Variants in ZNF671 observed in about 807,000 individuals in gnomAD.
The protein encoded by ZNF671 is zinc finger protein 671.
Under a neutral mutation model 16.6 loss-of-function variants are expected in ZNF671, and 19 were observed. That is an observed-to-expected ratio of 1.14 (90% CI 0.80 to 1.68). The LOEUF (loss-of-function observed/expected upper bound fraction) is 1.68. Among genes scored for constraint, ZNF671 ranks in the 40% most tolerant of loss-of-function variants. The pLI, the probability that ZNF671 is intolerant of heterozygous loss-of-function variation, is 0.00. For synonymous variants in ZNF671, 238 were observed against 236.3 expected (o/e 1.01, Z -0.06); for missense variants, 637 against 659.8 (o/e 0.97, Z 0.38).
At chr19:57,725,405 G>A (rs1042593409) in intron 1 of ZNF671, among the ~76,000 whole-genome samples, 9 of 151,890 alleles carry the variant, frequency 5.9e-5, no homozygotes, top group African/African-American at 1.7e-4. Flanking sequence ...CAGAGGTTGC[G>A]GTGAGCCGAG....
chr19:57,725,517 C>T (rs937513930), intron 1 of ZNF671, among the ~76,000 whole-genome samples: 3 of 152,028 alleles, frequency 2.0e-5, no homozygotes, highest in African/African-American at 7.3e-5. Context: ...GTAATCCCAG[C>T]TACTCGGGAG....
chr19:57,721,029 T>C lies in ZNF671; in HGVS notation c.1057A>G (p.Ile353Val), dbSNP rs776478624. 3.1e-6 allele frequency: 5 copies of C among 1,614,112 alleles called. No individual in the cohort carries two copies. Among genetic ancestry groups the C allele is most frequent in the East Asian group, 2.2e-5 (1 of 44,868 alleles). ...CGCCTGTGCTCAATCAGGCCGGAGA[T>C]TTGTCTAAAGAATTTCCCACATTCG... is the stretch of plus-strand genomic sequence containing the variant. ...CSECGKFFRQ[I>V]SGLIEHRRVH... is the part of the protein sequence containing the mutation. The change falls in exon 4 of 4, where the codon ATC becomes GTC. Residue 353 changes from isoleucine (I) to valine (V), a missense_variant. Coordinates refer to ENST00000317398, the MANE Select transcript of ZNF671 (RefSeq NM_024833.3).
In ZNF671 at chr19:57,719,763, G is replaced by A. The variant is rs1245762085; in HGVS notation, c.*718C>T. The A allele has an allele frequency of 6.6e-6, 1 of 152,300 alleles. No individual in the cohort carries two copies. Among genetic ancestry groups the A allele is most frequent in the Non-Finnish European group, 1.5e-5 (1 of 68,132 alleles). The allele number at this position is 152,300 out of a possible 1,614,324, so 9.4% of individuals were successfully genotyped here. On this transcript the variant is annotated 3_prime_UTR_variant, in exon 4 of 4. Transcript: ENST00000317398. ...CCCACAACATTAATGGTGGCTTAAAGAACAGGCCTTTATTATCATGAGCAA... is the reference window on the plus strand; with the variant it reads ...CCCACAACATTAATGGTGGCTTAAAAAACAGGCCTTTATTATCATGAGCAA...
intron 1 of ZNF671, among the ~76,000 whole-genome samples, chr19:57,724,945 C>T (rs1008180462): frequency 6.6e-6 from 1 of 152,216 alleles, no homozygotes; most frequent in African/African-American, 2.4e-5. Flanking sequence ...ACCCTCAACA[C>T]ATTCCAGCTA....
chr19:57,721,009 G>A lies in ZNF671; in HGVS notation c.1077C>T (p.His359=), dbSNP rs779240653. ...FFRQISGLIE[H]RRVHTGERLY... The stretch of plus-strand genomic sequence containing the variant: ...GTCTTTCACCCGTGTGAACTCGCCT[G>A]TGCTCAATCAGGCCGGAGATTTGTC... Residue 359 remains histidine, a synonymous_variant, in exon 4 of 4, where the codon CAC becomes CAT. Coordinates refer to ENST00000317398, the MANE Select transcript of ZNF671 (RefSeq NM_024833.3). 35 of 1,614,060 alleles carry A rather than the reference G, an allele frequency of 2.2e-5. No homozygotes were observed. The highest frequency in any genetic ancestry group is 2.8e-5 in the Non-Finnish European group (33 of 1,180,034).
chr19:57,727,412 C>A lies in ZNF671; in HGVS notation c.117G>T (p.Ala39=). ...CCACCCGCGCGGAGTCCGTTAGCTC[C>A]GCCATAGGACCGTGGGCGCGGACAG... ...PAAVRAHGPM[A]ELTDSARGCV... is the part of the protein sequence containing the mutation. Residue 39 remains alanine, a synonymous_variant, in exon 1 of 4, where the codon GCG becomes GCT. Coordinates refer to ENST00000317398, the MANE Select transcript of ZNF671 (RefSeq NM_024833.3). 2 of 1,606,540 alleles carry A rather than the reference C, an allele frequency of 1.2e-6. No individual in the cohort carries two copies. Among genetic ancestry groups the A allele is most frequent in the Non-Finnish European group, 1.7e-6 (2 of 1,174,778 alleles).
rs774440424 is a variant in ZNF671 at position 57,721,278 on chromosome 19, T to C, written c.808A>G (p.Lys270Glu). The C allele has an allele frequency of 6.3e-7, 1 of 1,593,086 alleles. No individual in the cohort carries two copies. Among genetic ancestry groups the C allele is most frequent in the Non-Finnish European group, 8.6e-7 (1 of 1,167,830 alleles). ...QASLSSMKPH[K>E]STKLVSGFLM... ...AAGCCACTCACAAGCTTAGTGCTCTTGTGGGGCTTCATGCTGCTGAGAGAG... is the reference window on the plus strand; with the variant it reads ...AAGCCACTCACAAGCTTAGTGCTCTCGTGGGGCTTCATGCTGCTGAGAGAG... The change falls in exon 4 of 4, where the codon AAG becomes GAG. Residue 270 changes from lysine to glutamate, a missense_variant. Transcript: ENST00000317398.
chr19:57,722,457 A>T lies in ZNF671; in HGVS notation c.266-19T>A. On this transcript the variant is annotated intron_variant, in intron 2 of 3. Transcript: ENST00000317398. ...GCAATTCCTAAGGGAAAGTCAGAACAGGTGAGCAGCCAGCACTGGCCCATG... is the reference window on the plus strand; with the variant it reads ...GCAATTCCTAAGGGAAAGTCAGAACTGGTGAGCAGCCAGCACTGGCCCATG... 1 of 1,612,180 alleles carries T rather than the reference A, an allele frequency of 6.2e-7. No individual in the cohort carries two copies. Among genetic ancestry groups the T allele is most frequent in the Non-Finnish European group, 8.5e-7 (1 of 1,179,738 alleles).
At position 57,721,250 on chromosome 19, in the gene ZNF671, A is replaced by G. The variant is rs779941912; in HGVS notation, c.836T>C (p.Leu279Pro). 6 of 1,593,990 alleles carry G rather than the reference A, an allele frequency of 3.8e-6. No individual in the cohort carries two copies. The highest frequency in any genetic ancestry group is 4.3e-6 in the Non-Finnish European group (5 of 1,168,410). Residue 279 changes from leucine (L) to proline (P), a missense_variant, in exon 4 of 4, where the codon CTC becomes CCC. By Grantham distance (98) the Leu-to-Pro change is moderately conservative. Transcript: ENST00000317398. ...HKSTKLVSGF[L>P]MGQRYHRCGE... ...ACACCTGTGATACCTCTGTCCCATG[A>G]GAAAGCCACTCACAAGCTTAGTGCT...
chr19:57,720,679 G>A lies in ZNF671; in HGVS notation c.1407C>T (p.His469=), dbSNP rs573129538. The A allele has an allele frequency of 4.3e-6, 7 of 1,614,198 alleles. No homozygotes were observed. In the South Asian group the frequency reaches 7.7e-5, roughly 18 times the overall value. ...AFSCISKLIQ[H]QKVHSGEKPY... ...GCTTTTCTCCAGAGTGAACTTTCTG[G>A]TGCTGAATGAGTTTGGAGATGCAGC... Residue 469 remains histidine, a synonymous_variant, in exon 4 of 4, where the codon CAC becomes CAT. Transcript: ENST00000317398.
chr19:57,724,659 G>A (rs1008185570), intron 1 of ZNF671, among the ~76,000 whole-genome samples: 2 of 151,876 alleles, frequency 1.3e-5, no homozygotes, highest in East Asian at 1.9e-4. Flanking sequence ...CCGAGTAGCC[G>A]GGACTACAGG....
In ZNF671 at chr19:57,720,241, C is replaced by T; in HGVS notation, c.*240G>A. 1.7e-6 allele frequency: 1 copy of T among 582,780 alleles called. No homozygotes were observed. Among genetic ancestry groups the T allele is most frequent in the Non-Finnish European group, 3.0e-6 (1 of 328,906 alleles). The allele number at this position is 582,780 out of a possible 1,614,324, so 36.1% of individuals were successfully genotyped here. ...AAGTTTCACTTCTTACTGATGGTTC[C>T]CTCCCAATGGCTGCTCCCAGAGTTC... On this transcript the variant is annotated 3_prime_UTR_variant, in exon 4 of 4. Coordinates refer to ENST00000317398, the MANE Select transcript of ZNF671 (RefSeq NM_024833.3).
At position 57,721,506 on chromosome 19, in the gene ZNF671, A is replaced by G. The variant is rs780707616; in HGVS notation, c.580T>C (p.Cys194Arg). 3.8e-5 allele frequency: 62 copies of G among 1,614,050 alleles called. 1 individual carries two copies. Among genetic ancestry groups the G allele is most frequent in the Non-Finnish European group, 5.1e-5 (60 of 1,180,036 alleles). The change falls in exon 4 of 4, where the codon TGT becomes CGT. Residue 194 changes from cysteine (C) to arginine (R), a missense_variant. Physicochemically the swap from Cys to Arg is radical, Grantham distance 180. Transcript: ENST00000317398. ...GGKARQKPYL[C>R]GACGKQFWFS... The stretch of plus-strand genomic sequence containing the variant: ...CAGAATTGCTTTCCACATGCCCCAC[A>G]CAAGTATGGTTTCTGCCTGGCTTTT...
chr19:57,720,407 A>G lies in ZNF671; in HGVS notation c.*74T>C, dbSNP rs1600048438. 1.3e-6 allele frequency: 2 copies of G among 1,542,428 alleles called. No homozygotes were observed. The highest frequency in any genetic ancestry group is 1.7e-4 in the Middle Eastern group (1 of 5,754). ...TTTCCTGCATCTGCTGCACTCATTA[A>G]CTACTGCTAGTTCCCCACCATATAG... On this transcript the variant is annotated 3_prime_UTR_variant, in exon 4 of 4. Coordinates refer to ENST00000317398, the MANE Select transcript of ZNF671 (RefSeq NM_024833.3).
chr19:57,720,457 C>G lies in ZNF671; in HGVS notation c.*24G>C. On this transcript the variant is annotated 3_prime_UTR_variant, in exon 4 of 4. Coordinates refer to ENST00000317398, the MANE Select transcript of ZNF671 (RefSeq NM_024833.3). Reference sequence around the variant, plus strand: ...GTAAGTCAGGGGCATTGGCCTAAGACTTTCCCCCACATTTGCTACACTCTT... The same window carrying G: ...GTAAGTCAGGGGCATTGGCCTAAGAGTTTCCCCCACATTTGCTACACTCTT... The G allele has an allele frequency of 6.2e-7, 1 of 1,602,082 alleles. No individual in the cohort carries two copies. Among genetic ancestry groups the G allele is most frequent in the Non-Finnish European group, 8.5e-7 (1 of 1,171,668 alleles).
In ZNF671 at chr19:57,723,206, G is replaced by A; in HGVS notation, c.265+8C>T. ...AGTGGTAAAGGCAGAAAAGCATGAGGACCTTACCCAGTGAGGCTAAAAGTG... is the reference window on the plus strand; with the variant it reads ...AGTGGTAAAGGCAGAAAAGCATGAGAACCTTACCCAGTGAGGCTAAAAGTG... On this transcript the variant is annotated splice_region_variant and intron_variant, in intron 2 of 3. Coordinates refer to ENST00000317398, the MANE Select transcript of ZNF671 (RefSeq NM_024833.3). 1.2e-6 allele frequency: 2 copies of A among 1,605,218 alleles called. No individual in the cohort carries two copies. Among genetic ancestry groups the A allele is most frequent in the Non-Finnish European group, 1.7e-6 (2 of 1,175,056 alleles).
rs781656922 is a variant in ZNF671, at chr19:57,720,881, C to T, written c.1205G>A (p.Cys402Tyr). Residue 402 changes from cysteine to tyrosine, a missense_variant, in exon 4 of 4, where the codon TGT becomes TAT. Physicochemically the swap from Cys to Tyr is radical, Grantham distance 194 (BLOSUM62 -2). Coordinates refer to ENST00000317398, the MANE Select transcript of ZNF671 (RefSeq NM_024833.3). ...TGARPYVCSE[C>Y]GKEFSRKHTL... ...GTGTTTCCGACTGAACTCTTTCCCA[C>T]ATTCGCTGCATACATAAGGCCTGGC... The T allele has an allele frequency of 1.9e-6, 3 of 1,614,160 alleles. No homozygotes were observed. Among genetic ancestry groups the T allele is most frequent in the Non-Finnish European group, 1.7e-6 (2 of 1,180,028 alleles).
chr19:57,720,760 T>C lies in ZNF671; in HGVS notation c.1326A>G (p.Val442=). Reference sequence around the variant, plus strand: ...AATCACTGCTGTGAATTCTCCAGTGTACATTAAGGTGGGAGCTTTGGCTAA... The same window carrying C: ...AATCACTGCTGTGAATTCTCCAGTGCACATTAAGGTGGGAGCTTTGGCTAA... ...KAFSQSSHLN[V]HWRIHSSDYE... is the part of the protein sequence containing the mutation. Residue 442 remains valine (V), a synonymous_variant, in exon 4 of 4, where the codon GTA becomes GTG. Transcript: ENST00000317398. 6.2e-7 allele frequency: 1 copy of C among 1,614,232 alleles called. No individual in the cohort carries two copies. Among genetic ancestry groups the C allele is most frequent in the Non-Finnish European group, 8.5e-7 (1 of 1,180,046 alleles).
intron 1 of ZNF671, among the ~76,000 whole-genome samples, chr19:57,723,858 G>T (rs562126630): frequency 4.3e-5 from 5 of 116,186 alleles, no homozygotes. Context: ...GTGAAACCCC[G>T]TCTCTACTAA....
Sources: allele counts gnomAD v4.1 joint callset (sites outside exome capture counted in the v4.1 genomes callset), GRCh38; gene constraint gnomAD v4.1.1; transcripts MANE v1.5; gene names NCBI Gene and HGNC (gene_info 2026-07-23, HGNC 2026-07-21).